CDH3: variants seen among roughly 807,000 people sequenced by gnomAD.
CDH3 encodes cadherin-3.
In CDH3, 54 loss-of-function variants were observed where a neutral mutation model predicts 82.0. The ratio of observed to expected loss-of-function variants is 0.66; its 90% CI spans 0.53 to 0.83. The LOEUF is 0.83. Ranked by LOEUF, CDH3 falls within the 40% of genes least tolerant of loss-of-function variation. CDH3 has a pLI of 0.00. For synonymous variants in CDH3, 446 were observed against 437.9 expected (o/e 1.02, Z -0.23); for missense variants, 1,054 against 1,084.6 (o/e 0.97, Z 0.40).
Position 68,681,007 on chromosome 16 carries a change from A to G in CDH3, c.907A>G (p.Met303Val). Residue 303 changes from methionine to valine, a missense_variant, in exon 8 of 16, where the codon ATG becomes GTG. Met to Val is a conservative substitution (Grantham distance 21). Transcript: ENST00000264012. ...CACACTGACCATCCAGGCCACAGAC[A>G]TGGATGGGGACGGCTCCACCACCAC... ...EYTLTIQATD[M>V]DGDGSTTTAV... 1 of 1,613,686 alleles carries G rather than the reference A, an allele frequency of 6.2e-7. No individual in the cohort carries two copies. Among genetic ancestry groups the G allele is most frequent in the Non-Finnish European group, 8.5e-7 (1 of 1,179,632 alleles).
chr16:68,671,295 T>G (rs1404577623), intron 2 of CDH3, among the ~76,000 whole-genome samples: 2 of 151,748 alleles, frequency 1.3e-5, no homozygotes, highest in Non-Finnish European at 2.9e-5. Context: ...CCAGCTGAGA[T>G]TTGATGCCCA....
chr16:68,676,642 G>T (rs1961043238), intron 3 of CDH3, among the ~76,000 whole-genome samples, 172 bp downstream of exon 3: 1 of 152,164 alleles, frequency 6.6e-6, no homozygotes, highest in Non-Finnish European at 1.5e-5. Context: ...CTGATCTAAG[G>T]GGGGTAGTGC....
chr16:68,672,332 T>A (rs979151506), intron 2 of CDH3, among the ~76,000 whole-genome samples: 2 of 152,242 alleles, frequency 1.3e-5, no homozygotes, highest in Non-Finnish European at 2.9e-5. Context: ...ATTCTTATTT[T>A]GTTTTACTAT....
chr16:68,720,822 G>T (rs1962153898), intron 1 of CDH3, among the ~76,000 whole-genome samples: 1 of 152,014 alleles, frequency 6.6e-6, no homozygotes, highest in Admixed American at 6.6e-5. Context: ...GTTTTACCAT[G>T]TTAGCCAGGC....
intron 1 of CDH3, among the ~76,000 whole-genome samples, chr16:68,716,977 C>T (rs931950081): frequency 1.3e-5 from 2 of 151,812 alleles, no homozygotes; most frequent in African/African-American, 2.4e-5. Context: ...AAGTGATCCT[C>T]CCACTTTGGC....
rs2152102938 is a variant in CDH3, at chr16:68,685,368, G to A, written c.1570+18G>A. On this transcript the variant is annotated intron_variant, in intron 11 of 15. Transcript: ENST00000264012. ...GGACAATGGTGAGAGCATCCTCCCA[G>A]CCCTCCCACAAGGGCCACTTTTGGT... The A allele has an allele frequency of 6.2e-7, 1 of 1,613,494 alleles. No homozygotes were observed. The highest frequency in any genetic ancestry group is 8.5e-7 in the Non-Finnish European group (1 of 1,179,896).
chr16:68,674,247 C>T (rs952753390), intron 2 of CDH3, among the ~76,000 whole-genome samples: 12 of 152,042 alleles, frequency 7.9e-5, no homozygotes, highest in Admixed American at 3.9e-4. Flanking sequence ...GAAGTGGTAT[C>T]TCATTGTGAT....
intron 1 of CDH3, among the ~76,000 whole-genome samples, chr16:68,706,703 A>C (rs1055451806): frequency 1.3e-5 from 2 of 151,682 alleles, no homozygotes; most frequent in African/African-American, 2.4e-5. Flanking sequence ...CAGGTGCACA[A>C]CACCACACCC....
At chr16:68,688,895 C>T (rs964623935) in intron 12 of CDH3, among the ~76,000 whole-genome samples, 3 of 152,176 alleles carry the variant, frequency 2.0e-5, no homozygotes, top group Admixed American at 2.0e-4. Context: ...GCTGAGATTA[C>T]AAGCATGAGC....
Position 68,713,014 on chromosome 16 carries a change from C to T in CDH3, c.100-9411C>T, listed in dbSNP as rs375635892. ...AGGTTCTTAAGCAGCCCCCTCGCAG[C>T]CAGTGCAGCATCCTCCCTTTCTGAT... On this transcript the variant is annotated intron_variant, in intron 1 of 2. Transcript: ENST00000569080. Among the ~76,000 whole-genome samples the T allele has an allele frequency of 7.6e-4, 116 of 152,206 alleles. 1 individual carries two copies. The South Asian group carries it at 0.023, about 31-fold the overall frequency.
At chr16:68,663,654 G>A (rs2152094297) in intron 2 of CDH3, among the ~76,000 whole-genome samples, 1 of 152,132 alleles carries the variant, frequency 6.6e-6, no homozygotes, top group East Asian at 1.9e-4. Flanking sequence ...TATGCACTAA[G>A]GTGGTGGGGG....
chr16:68,715,867 A>G (rs1962089574), intron 1 of CDH3, among the ~76,000 whole-genome samples: 1 of 152,216 alleles, frequency 6.6e-6, no homozygotes, highest in Non-Finnish European at 1.5e-5. Flanking sequence ...AAACAAGCAC[A>G]TGACCTTTGA....
intron 2 of CDH3, among the ~76,000 whole-genome samples, chr16:68,658,975 C>T (rs2152092684): frequency 6.6e-6 from 1 of 152,254 alleles, no homozygotes; most frequent in East Asian, 1.9e-4. Context: ...CAAATTAATA[C>T]ATGAAAATAT....
chr16:68,733,483 C>T, the CDH3 span, among the ~76,000 whole-genome samples: 2 of 152,088 alleles, frequency 1.3e-5, no homozygotes, highest in South Asian at 2.1e-4. Flanking sequence ...TGGCTCACAC[C>T]TGTAATCCCA....
At chr16:68,693,473 C>T (rs747687038) in intron 13 of CDH3, among the ~76,000 whole-genome samples, 1 of 152,098 alleles carries the variant, frequency 6.6e-6, no homozygotes, top group African/African-American at 2.4e-5. Context: ...CATGGATGAT[C>T]GCAAGGCTTT....
chr16:68,665,833 C>T (rs969464272), intron 2 of CDH3, among the ~76,000 whole-genome samples: 5 of 152,110 alleles, frequency 3.3e-5, no homozygotes, highest in African/African-American at 4.8e-5. Flanking sequence ...GCAGAGCTTT[C>T]GTCAGCCAAA....
intron 2 of CDH3, among the ~76,000 whole-genome samples, chr16:68,655,432 CT>C (rs1235202242): frequency 6.6e-6 from 1 of 152,206 alleles, no homozygotes; most frequent in African/African-American, 2.4e-5. Flanking sequence ...CTGTCAGGTA[CT>C]GTTCTAGGTG....
chr16:68,725,727 C>T (rs1597832522), intron 2 of CDH3, among the ~76,000 whole-genome samples: 1 of 152,064 alleles, frequency 6.6e-6, no homozygotes, highest in East Asian at 1.9e-4. Flanking sequence ...GAGTCTGTGG[C>T]TCTGACTCAA....
intron 2 of CDH3, among the ~76,000 whole-genome samples, chr16:68,658,049 A>C: frequency 6.8e-6 from 1 of 146,040 alleles, no homozygotes; most frequent in Non-Finnish European, 1.5e-5. Flanking sequence ...CATATCTCCC[A>C]GTCTTTTTCT....
Sources: allele counts gnomAD v4.1 joint callset (sites outside exome capture counted in the v4.1 genomes callset), GRCh38; gene constraint gnomAD v4.1.1; transcripts MANE v1.5; gene names NCBI Gene and HGNC (gene_info 2026-07-23, HGNC 2026-07-21).